The following RPL3 variants were observed in gnomAD, a reference collection of about 807,000 sequenced individuals.
RPL3 encodes the protein ribosomal protein L3.
Under a neutral mutation model 46.0 loss-of-function variants are expected in RPL3, and 3 were observed. The ratio of observed to expected loss-of-function variants is 0.07; its 90% CI spans 0.03 to 0.17. RPL3 has a LOEUF of 0.17. Among genes scored for constraint, RPL3 ranks in the 10% least tolerant of loss-of-function variants. The pLI, the probability that RPL3 is intolerant of heterozygous loss-of-function variation, is 1.00. For synonymous variants in RPL3, 224 were observed against 190.8 expected (o/e 1.17, Z -1.43); for missense variants, 387 against 532.7 (o/e 0.73, Z 2.69).
Position 39,314,672 on chromosome 22 carries a change from T to A in RPL3, c.849+14A>T. On this transcript the variant is annotated intron_variant, in intron 6 of 9. Coordinates refer to ENST00000216146, the MANE Select transcript of RPL3 (RefSeq NM_000967.4). Reference sequence around the variant, plus strand: ...CCTCTTCCCACCCCCAGGGAGCCACTCTCAGAACCTCACCTTCTTGTTGAT... The same window carrying A: ...CCTCTTCCCACCCCCAGGGAGCCACACTCAGAACCTCACCTTCTTGTTGAT... 1.2e-6 allele frequency: 2 copies of A among 1,605,588 alleles called. No homozygotes were observed. Among genetic ancestry groups the A allele is most frequent in the Non-Finnish European group, 1.7e-6 (2 of 1,174,690 alleles).
chr22:39,316,951 C>T (rs370103314), intron 3 of RPL3, 110 bp from the exon 4 acceptor site: 48 of 1,565,458 alleles, frequency 3.1e-5, no homozygotes, highest in South Asian at 2.3e-4. Flanking sequence ...AGCTCATTGC[C>T]GGCTTCTAAG....
rs766811821 is a variant in RPL3, at chr22:39,316,969, T to C, written c.366-128A>G. 1.5e-5 allele frequency: 22 copies of C among 1,465,198 alleles called. No individual in the cohort carries two copies. In the African/African-American group the frequency reaches 2.6e-4, roughly 18 times the overall value. The allele number at this position is 1,465,198 out of a possible 1,614,324, so 90.8% of individuals were successfully genotyped here. On this transcript the variant is annotated intron_variant, in intron 3 of 9. Transcript: ENST00000216146. Reference sequence around the variant, plus strand: ...TCATTGCCGGCTTCTAAGGAGCCTTTTCCACCAGCAAGCGGAGCCTGGATG... The same window carrying C: ...TCATTGCCGGCTTCTAAGGAGCCTTCTCCACCAGCAAGCGGAGCCTGGATG...
At position 39,315,462 on chromosome 22, in the gene RPL3, C is replaced by G; in HGVS notation, c.595G>C (p.Glu199Gln). 6.2e-7 allele frequency: 1 copy of G among 1,614,058 alleles called. No homozygotes were observed. The highest frequency in any genetic ancestry group is 8.5e-7 in the Non-Finnish European group (1 of 1,180,042). ...ACAGGTACCTGCTGCTCAAGCCTCTCGCGGGCCCAGTCCAGCTTCTCGGCC... is the reference window on the plus strand; with the variant it reads ...ACAGGTACCTGCTGCTCAAGCCTCTGGCGGGCCCAGTCCAGCTTCTCGGCC... Reference protein sequence around the residue: ...TVAEKLDWARERLEQQVPVNQ... With the variant: ...TVAEKLDWARQRLEQQVPVNQ... Residue 199 changes from glutamate to glutamine, a missense_variant, in exon 5 of 10, where the codon GAG becomes CAG. Around this residue, in one of 5 missense-constraint regions of RPL3, gnomAD observed 48 missense variants for 80.7 expected, o/e 0.60. Transcript: ENST00000216146.
At chr22:39,314,951 A>C in intron 5 of RPL3, 105 bp from the exon 6 acceptor site, 1 of 1,482,116 alleles carries the variant, frequency 6.7e-7, no homozygotes. Flanking sequence ...TGAGGGAGTG[A>C]TAAGATTATT....
intron 3 of RPL3, chr22:39,317,043 T>C (rs1189817134): frequency 1.4e-6 from 1 of 734,546 alleles, no homozygotes; most frequent in Non-Finnish European, 2.3e-6. Context: ...TCCACAAGGT[T>C]AATTTAAGTT....
chr22:39,314,618 C>A lies in RPL3; in HGVS notation c.849+68G>T, dbSNP rs975844217. The stretch of plus-strand genomic sequence containing the variant: ...CAGTCAGTGAAGCAGCACTGACAGG[C>A]ACAGAAACCCCACTCCCCATCACGG... On this transcript the variant is annotated intron_variant, in intron 6 of 9. Transcript: ENST00000216146. 8 of 1,522,224 alleles carry A rather than the reference C, an allele frequency of 5.3e-6. No individual in the cohort carries two copies. In the South Asian group the frequency reaches 6.1e-5, roughly 12 times the overall value. 94.3% of individuals were successfully genotyped at this position (1,522,224 alleles called of 1,614,324 possible).
intron 7 of RPL3, 169 bp downstream of exon 7, chr22:39,313,938 G>T: frequency 1.2e-6 from 1 of 834,488 alleles, no homozygotes; most frequent in Non-Finnish European, 2.1e-6. Flanking sequence ...CTTCTCACCA[G>T]CCAACCCCGA....
chr22:39,313,459 C>T (rs1922482980), intron 8 of RPL3, 149 bp from the exon 9 acceptor site: 1 of 1,376,844 alleles, frequency 7.3e-7, no homozygotes, highest in African/African-American at 1.4e-5. Flanking sequence ...AAGCAGCAAA[C>T]AGCCCAGCAA....
chr22:39,319,227 G>A (rs888741827), intron 1 of RPL3: 5 of 516,524 alleles, frequency 9.7e-6, no homozygotes, highest in African/African-American at 7.8e-5. Flanking sequence ...GAACGGCGCC[G>A]AGAACCTCCA....
intron 4 of RPL3, 99 bp downstream of exon 4, chr22:39,316,606 GA>G: frequency 6.7e-7 from 1 of 1,497,212 alleles, no homozygotes; most frequent in Non-Finnish European, 9.2e-7. Context: ...GCTGGCAAGG[GA>G]GAAGCCTACC....
At chr22:39,313,358 T>C (rs1922475512) in intron 8 of RPL3, 48 bp from the exon 9 acceptor site, 1 of 1,611,772 alleles carries the variant, frequency 6.2e-7, no homozygotes, top group African/African-American at 1.3e-5. Flanking sequence ...GAGCCAGGCT[T>C]TCCTCAGCAC....
chr22:39,317,209 G>C, intron 3 of RPL3: 2 of 575,048 alleles, frequency 3.5e-6, no homozygotes, highest in Middle Eastern at 4.7e-4. Context: ...CTGGTTTCTA[G>C]TTGGACTCCT....
intron 6 of RPL3, 49 bp downstream of exon 6, chr22:39,314,637 A>G (rs1922563805): frequency 1.2e-5 from 19 of 1,570,064 alleles, no homozygotes; most frequent in Non-Finnish European, 1.6e-5. Flanking sequence ...CCCACTCCCC[A>G]TCACGGGGGC....
chr22:39,314,294 G>A (rs1380627756), intron 6 of RPL3, 86 bp from the exon 7 acceptor site: 10 of 1,174,072 alleles, frequency 8.5e-6, no homozygotes, highest in African/African-American at 1.5e-5. Flanking sequence ...AAGCACGCTA[G>A]AAGGCAGCTG....
In RPL3 at chr22:39,318,476, C is replaced by G; in HGVS notation, c.120G>C (p.Pro40=). The change falls in exon 2 of 10, where the codon CCG becomes CCC. Residue 40 remains proline (P), a synonymous_variant. Coordinates refer to ENST00000216146, the MANE Select transcript of RPL3 (RefSeq NM_000967.4). ...ATCCCAGGAAGGCTGTGAGGTGGAC[C>G]GGCTTGGACGGGTCATCCTTAGGGA... The part of the protein sequence containing the change: ...KSFPKDDPSK[P]VHLTAFLGYK... 1.9e-6 allele frequency: 3 copies of G among 1,613,988 alleles called. No individual in the cohort carries two copies. The highest frequency in any genetic ancestry group is 1.7e-6 in the Non-Finnish European group (2 of 1,179,948).
At chr22:39,317,682 A>G in intron 2 of RPL3, 53 bp from the exon 3 acceptor site, 1 of 1,592,956 alleles carries the variant, frequency 6.3e-7, no homozygotes, top group Non-Finnish European at 8.6e-7. Context: ...CAAGGGGTGT[A>G]ATGTTTTCTA....
chr22:39,315,778 C>G (rs1569160630), intron 4 of RPL3, among the ~76,000 whole-genome samples: 1 of 152,212 alleles, frequency 6.6e-6, no homozygotes. Context: ...GATGAGCGGA[C>G]AAGACCCACA....
chr22:39,319,147 C>T (rs1408629312), intron 1 of RPL3: 2 of 542,966 alleles, frequency 3.7e-6, no homozygotes, highest in Non-Finnish European at 7.5e-6. Flanking sequence ...TCGGAGTGCA[C>T]CAGCGGCCCC....
chr22:39,317,659 G>C (rs1569161853), intron 2 of RPL3, 30 bp from the exon 3 acceptor site: 1 of 1,608,386 alleles, frequency 6.2e-7, no homozygotes, highest in African/African-American at 1.3e-5. Flanking sequence ...GTCAGACTTG[G>C]CAGGAGCCCA....
Sources: allele counts gnomAD v4.1 joint callset (sites outside exome capture counted in the v4.1 genomes callset), GRCh38; gene constraint gnomAD v4.1.1; regional missense constraint gnomAD v4.1.1; transcripts MANE v1.5; gene names NCBI Gene and HGNC (gene_info 2026-07-23, HGNC 2026-07-21).